The following CNTN2 variants were observed in gnomAD, a reference collection of about 807,000 sequenced individuals.
CNTN2 encodes contactin-2.
In CNTN2, 53 loss-of-function variants were observed where a neutral mutation model predicts 117.5. The ratio of observed to expected loss-of-function variants is 0.45; its 90% CI spans 0.36 to 0.57. The LOEUF is 0.57. CNTN2 is among the 20% of genes least tolerant of loss of function. CNTN2 has a pLI of 0.00. For missense variants in CNTN2, 1,106 were observed against 1,404.3 expected (o/e 0.79, Z 3.39); for synonymous variants, 530 against 561.7 (o/e 0.94, Z 0.80).
chr1:205,054,023 G>A (rs1316608057), intron 2 of CNTN2, among the ~76,000 whole-genome samples: 1 of 152,226 alleles, frequency 6.6e-6, no homozygotes, highest in Admixed American at 6.5e-5. Context: ...AGCATGTCAG[G>A]CCAGAGGAGC....
In CNTN2 at chr1:205,073,007, G is replaced by A. The variant is rs1021854264; in HGVS notation, c.2845-61G>A. The A allele has an allele frequency of 2.5e-6, 4 of 1,579,442 alleles. No homozygotes were observed. The African/African-American group carries it at 5.4e-5, about 21-fold the overall frequency. Reference sequence around the variant, plus strand: ...GTCTCCTCCCAGTACCTAAAGCTGGGGATGACTCAACGATCAGCCCTGGTG... The same window carrying A: ...GTCTCCTCCCAGTACCTAAAGCTGGAGATGACTCAACGATCAGCCCTGGTG... On this transcript the variant is annotated intron_variant, in intron 21 of 22. Coordinates refer to ENST00000331830, the MANE Select transcript of CNTN2 (RefSeq NM_005076.5). This position sits in a 1 kb window ranked among gnomAD's most constrained non-coding sequence, Gnocchi z 6.3.
chr1:205,066,294 GCCCGCCCT>G, intron 14 of CNTN2, 139 bp from the exon 15 acceptor site: 1 of 900,982 alleles, frequency 1.1e-6, no homozygotes, highest in Non-Finnish European at 1.6e-6. Flanking sequence ...CACACCCCTT[GCCCGCCCT>G]CCCGCCTGGG....
chr1:205,062,116 T>A, intron 9 of CNTN2, 115 bp downstream of exon 9: 1 of 1,348,496 alleles, frequency 7.4e-7, no homozygotes, highest in Non-Finnish European at 1.0e-6. Flanking sequence ...CTAATTAGGG[T>A]GTCAGAGGGT....
At position 205,058,253 on chromosome 1, in the gene CNTN2, C is replaced by T; in HGVS notation, c.288C>T (p.Val96=). 6.4e-7 allele frequency: 1 copy of T among 1,551,338 alleles called. No homozygotes were observed. The highest frequency in any genetic ancestry group is 1.3e-5 in the South Asian group (1 of 79,860). The part of the protein sequence containing the change: ...SRHQLVGGNL[V]IMNPTKAQDA... Reference sequence around the variant, plus strand: ...ACCAGCTGGTGGGGGGCAACCTGGTCATCATGAACCCCACCAAGGCACAGG... The same window carrying T: ...ACCAGCTGGTGGGGGGCAACCTGGTTATCATGAACCCCACCAAGGCACAGG... The change falls in exon 4 of 23, where the codon GTC becomes GTT. Residue 96 remains valine, a synonymous_variant. Coordinates refer to ENST00000331830, the MANE Select transcript of CNTN2 (RefSeq NM_005076.5). The surrounding 1 kb of genome is among the most constrained non-coding windows in gnomAD (Gnocchi z 4.3).
intron 9 of CNTN2, chr1:205,062,205 G>A: frequency 2.4e-6 from 2 of 840,148 alleles, no homozygotes; most frequent in Non-Finnish European, 1.8e-6. Context: ...GCACAGTTCA[G>A]CCACAAAAGA....
In CNTN2 at chr1:205,073,859, CAG is replaced by C. The variant is rs1654728163; in HGVS notation, c.*99_*100del. On this transcript the variant is annotated 3_prime_UTR_variant, in exon 23 of 23. Coordinates refer to ENST00000331830, the MANE Select transcript of CNTN2 (RefSeq NM_005076.5). This position sits in a 1 kb window ranked among gnomAD's most constrained non-coding sequence, Gnocchi z 6.3. ...CTGCCAAGGTGGCCTGACACTGTGC[CAG>C]AGAGTGGCTGGTTTTAAATACCTAC... 2.0e-6 allele frequency: 2 copies of C among 981,280 alleles called. No homozygotes were observed. The highest frequency in any genetic ancestry group is 4.0e-5 in the Admixed American group (2 of 50,504). The allele number at this position is 981,280 out of a possible 1,614,324, so 60.8% of individuals were successfully genotyped here.
rs770699268 is a variant in CNTN2 at position 205,064,458 on chromosome 1, G to A, written c.1377G>A (p.Leu459=). The change falls in exon 11 of 23, where the codon TTG becomes TTA. Residue 459 remains leucine (L), a synonymous_variant. Coordinates refer to ENST00000331830, the MANE Select transcript of CNTN2 (RefSeq NM_005076.5). ...TCTGGAGCAAAGGCACGGAGATTTT[G>A]GTCAACAGCAGCAGGTACCACCCAC... ...VVLWSKGTEI[L]VNSSRVTVTP... 6 of 1,609,824 alleles carry A rather than the reference G, an allele frequency of 3.7e-6. No homozygotes were observed. Among genetic ancestry groups the A allele is most frequent in the Non-Finnish European group, 5.1e-6 (6 of 1,176,636 alleles).
intron 2 of CNTN2, among the ~76,000 whole-genome samples, chr1:205,053,826 C>T (rs753121437): frequency 1.2e-4 from 19 of 152,334 alleles, no homozygotes; most frequent in Non-Finnish European, 2.1e-4. Flanking sequence ...CTTAAGGCAA[C>T]GCTGCATCCC....
chr1:205,070,738 T>C, intron 19 of CNTN2, 200 bp downstream of exon 19: 1 of 440,330 alleles, frequency 2.3e-6, no homozygotes, highest in Non-Finnish European at 4.2e-6. Flanking sequence ...GGCTCATGCC[T>C]GTAATCCCAT....
intron 20 of CNTN2, 76 bp downstream of exon 20, chr1:205,072,209 A>G (rs997225865): frequency 4.5e-5 from 63 of 1,389,304 alleles, no homozygotes; most frequent in East Asian, 4.4e-4. Flanking sequence ...TCCTTCCCCA[A>G]TGATAAGACA....
At position 205,065,763 on chromosome 1, in the gene CNTN2, C is replaced by T. The variant is rs770009308; in HGVS notation, c.1696-26C>T. The T allele has an allele frequency of 6.2e-7, 1 of 1,613,852 alleles. No individual in the cohort carries two copies. The highest frequency in any genetic ancestry group is 8.5e-7 in the Non-Finnish European group (1 of 1,179,956). On this transcript the variant is annotated intron_variant, in intron 13 of 22. Coordinates refer to ENST00000331830, the MANE Select transcript of CNTN2 (RefSeq NM_005076.5). This position sits in a 1 kb window ranked among gnomAD's most constrained non-coding sequence, Gnocchi z 4.1. ...TGGTCAGGGCCGGTGGTCTGACCTG[C>T]TGCCCCTAACTGTCCCCGTGTGCAG...
chr1:205,070,087 C>T (rs1184595603), intron 18 of CNTN2, 26 bp downstream of exon 18: 6 of 1,603,484 alleles, frequency 3.7e-6, no homozygotes, highest in South Asian at 1.1e-5. Context: ...GCCCCCTGCT[C>T]GTCCCTACCC....
intron 2 of CNTN2, among the ~76,000 whole-genome samples, chr1:205,055,414 T>C (rs572130440): frequency 6.6e-6 from 1 of 152,228 alleles, no homozygotes; most frequent in South Asian, 2.1e-4. Context: ...TGGATATGGA[T>C]GGCTGAGAGG....
chr1:205,049,289 C>G (rs1404745893), intron 1 of CNTN2, among the ~76,000 whole-genome samples: 1 of 135,758 alleles, frequency 7.4e-6, no homozygotes, highest in Non-Finnish European at 1.5e-5. Flanking sequence ...CCGACACACA[C>G]ACACACACAC....
At chr1:205,056,671 C>T (rs890388756) in intron 2 of CNTN2, among the ~76,000 whole-genome samples, 4 of 152,290 alleles carry the variant, frequency 2.6e-5, no homozygotes, top group South Asian at 2.1e-4. Flanking sequence ...AAATCAGCTG[C>T]GTTAAGAGGT....
intron 20 of CNTN2, 94 bp downstream of exon 20, chr1:205,072,227 T>G: frequency 1.6e-6 from 2 of 1,279,074 alleles, no homozygotes; most frequent in Non-Finnish European, 2.2e-6. Flanking sequence ...ACAAATGCTC[T>G]AGCCCACCAG....
In CNTN2 at chr1:205,074,797, C is replaced by G; in HGVS notation, c.*1032C>G. ...GAATGCAGCATTCATGCTGTGTGTC[C>G]TGGTATTGGGAGGTTTCTGGGAAGG... On this transcript the variant is annotated 3_prime_UTR_variant, in exon 23 of 23. Transcript: ENST00000331830. 2.5e-6 allele frequency: 1 copy of G among 398,746 alleles called. No homozygotes were observed. Among genetic ancestry groups the G allele is most frequent in the Non-Finnish European group, 4.4e-6 (1 of 226,156 alleles). The allele number at this position is 398,746 out of a possible 1,614,324, so 24.7% of individuals were successfully genotyped here.
rs1289460075 is a variant in CNTN2 at position 205,048,438 on chromosome 1, A to C, written c.-86-4662A>C. On this transcript the variant is annotated intron_variant, in intron 1 of 22. Coordinates refer to ENST00000331830, the MANE Select transcript of CNTN2 (RefSeq NM_005076.5). The surrounding 1 kb of genome is among the most constrained non-coding windows in gnomAD (Gnocchi z 4.1). Reference sequence around the variant, plus strand: ...TCCCCCTGGTGCCCCCGAACCCCCCAGTGGTCCACTCCCCCATGTGCTGGT... The same window carrying C: ...TCCCCCTGGTGCCCCCGAACCCCCCCGTGGTCCACTCCCCCATGTGCTGGT... 2.0e-5 allele frequency among the ~76,000 whole-genome samples: 3 copies of C among 147,652 alleles called. No homozygotes were observed. The highest frequency in any genetic ancestry group is 4.5e-5 in the Non-Finnish European group (3 of 66,718).
rs963748900 is a variant in CNTN2, at chr1:205,062,734, G to A, written c.1240+165G>A. ...GAGAACTCAGAGATTTAAGAAAGGA[G>A]ATGAGACACAGGGTTGACAGCTGCC... On this transcript the variant is annotated intron_variant, in intron 10 of 22. Transcript: ENST00000331830. 1.3e-5 allele frequency: 10 copies of A among 765,084 alleles called. No individual in the cohort carries two copies. The Admixed American group carries it at 3.4e-4, about 26-fold the overall frequency. 47.4% of individuals were successfully genotyped at this position (765,084 alleles called of 1,614,324 possible). A position where few individuals can be genotyped will look rare whatever the true frequency, so the allele number is the denominator to read the frequency against.
Sources: allele counts gnomAD v4.1 joint callset (sites outside exome capture counted in the v4.1 genomes callset), GRCh38; gene constraint gnomAD v4.1.1; non-coding constraint Gnocchi (gnomAD v3.1); transcripts MANE v1.5; gene names NCBI Gene and HGNC (gene_info 2026-07-23, HGNC 2026-07-21).